XRN1: variants seen among roughly 807,000 people sequenced by gnomAD.
The protein encoded by XRN1 is 5'-3' exoribonuclease 1.
Under a neutral mutation model 222.3 loss-of-function variants are expected in XRN1, and 67 were observed. The ratio of observed to expected loss-of-function variants is 0.30; its 90% CI spans 0.25 to 0.37. The LOEUF (loss-of-function observed/expected upper bound fraction) is 0.37, where lower values mean the gene tolerates loss of function less well. Among genes scored for constraint, XRN1 ranks in the 10% least tolerant of loss-of-function variants. The pLI, the probability that XRN1 is intolerant of heterozygous loss-of-function variation, is 1.00. For missense variants in XRN1, 1,707 were observed against 2,000.2 expected, an observed-to-expected ratio of 0.85 and a Z score of 2.80; for synonymous variants, 643 against 652.4, an observed-to-expected ratio of 0.99 and a Z score of 0.22.
Position 142,330,963 on chromosome 3 carries a change from C to T in XRN1, c.4223-1348G>A, listed in dbSNP as rs1253761338. Among the ~76,000 whole-genome samples the T allele has an allele frequency of 2.6e-5, 4 of 152,228 alleles. No homozygotes were observed. In the East Asian group the frequency reaches 7.7e-4, roughly 29 times the overall value. On this transcript the variant is annotated intron_variant, in intron 36 of 40. Transcript: ENST00000392981. The stretch of plus-strand genomic sequence containing the variant: ...CTGGGATTACAGCTACTTGGTGGCG[C>T]CTGCCACCACACCCGGCTAATTTTT...
At chr3:142,316,601 C>T (rs778999506) in intron 39 of XRN1, among the ~76,000 whole-genome samples, 1 of 152,182 alleles carries the variant, frequency 6.6e-6, no homozygotes, top group Non-Finnish European at 1.5e-5. Flanking sequence ...CCAAGACTTC[C>T]CTCTGCCTGT....
chr3:142,414,483 G>T, intron 13 of XRN1, 192 bp from the exon 14 acceptor site: 2 of 379,250 alleles, frequency 5.3e-6, no homozygotes, highest in South Asian at 8.8e-5. Context: ...GGCAACAAAT[G>T]TTACATTTCC....
intron 2 of XRN1, among the ~76,000 whole-genome samples, chr3:142,427,122 G>A (rs2069289585): frequency 6.6e-6 from 1 of 152,068 alleles, no homozygotes; most frequent in Admixed American, 6.6e-5. Flanking sequence ...TTGAGTCTAG[G>A]AGTTCAAGAC....
chr3:142,352,899 T>C (rs1345164298), intron 32 of XRN1, among the ~76,000 whole-genome samples: 4 of 152,138 alleles, frequency 2.6e-5, no homozygotes, highest in Non-Finnish European at 5.9e-5. Flanking sequence ...CGGCCTTGGC[T>C]TCCCAAAGTG....
At chr3:142,429,287 C>T (rs1559876948) in intron 2 of XRN1, among the ~76,000 whole-genome samples, 2 of 151,540 alleles carry the variant, frequency 1.3e-5, no homozygotes, top group South Asian at 4.2e-4. Flanking sequence ...GCTGGGATTA[C>T]AGGCGACCAC....
chr3:142,378,065 T>C (rs2067193929), intron 23 of XRN1, among the ~76,000 whole-genome samples: 1 of 152,092 alleles, frequency 6.6e-6, no homozygotes, highest in East Asian at 1.9e-4. Flanking sequence ...ATTTTACTAT[T>C]AGTGGAAAAA....
chr3:142,361,963 C>CTTTTTTTTTTTTTTTTT (rs71153961), intron 29 of XRN1, among the ~76,000 whole-genome samples: 1 of 51,678 alleles, frequency 1.9e-5, no homozygotes, highest in Non-Finnish European at 3.3e-5. Context: ...CTTTTTCTCT[C>CTTTTTTTTTTTTTTTTT]TTTTTTTTTT....
Position 142,412,597 on chromosome 3 carries a change from T to C in XRN1, c.1660A>G (p.Asn554Asp). 1 of 1,608,548 alleles carries C rather than the reference T, an allele frequency of 6.2e-7. No individual in the cohort carries two copies. Among genetic ancestry groups the C allele is most frequent in the Non-Finnish European group, 8.5e-7 (1 of 1,176,270 alleles). Residue 554 changes from asparagine to aspartate, a missense_variant, in exon 15 of 41, where the codon AAT becomes GAT. By Grantham distance (23) the Asn-to-Asp change is conservative. Around this residue, in one of 2 missense-constraint regions of XRN1, gnomAD observed 1,234 missense variants for 1,518.2 expected, o/e 0.81. Transcript: ENST00000392981. ...YYPPDFKTDL[N>D]GKQQEWEAVV... is the part of the protein sequence containing the mutation. ...GCTTCCCATTCCTGTTGTTTCCCATTTAGGTCAGTTTTAAAATCAGGTGGG... is the reference window on the plus strand; with the variant it reads ...GCTTCCCATTCCTGTTGTTTCCCATCTAGGTCAGTTTTAAAATCAGGTGGG...
rs753128641 is a variant in XRN1 at position 142,415,711 on chromosome 3, GAAACCA to G, written c.1436+1423_1437-1421del. The stretch of plus-strand genomic sequence containing the variant: ...TTTTCAAAGGCTTTATGTAGTAAGT[GAAACCA>G]TAATTAATGTCACATTATTTTGCAC... On this transcript the variant is annotated intron_variant, in intron 13 of 40. Transcript: ENST00000392981. 1.3e-3 allele frequency among the ~76,000 whole-genome samples: 191 copies of G among 152,324 alleles called. 1 individual carries two copies. Among genetic ancestry groups the G allele is most frequent in the Non-Finnish European group, 2.4e-3 (166 of 68,026 alleles).
chr3:142,341,701 A>G (rs771555596), intron 33 of XRN1, among the ~76,000 whole-genome samples: 4 of 152,136 alleles, frequency 2.6e-5, no homozygotes, highest in Non-Finnish European at 4.4e-5. Context: ...ATAAAGACAC[A>G]TGCAGACAAA....
chr3:142,404,348 C>T (rs1229865184), intron 16 of XRN1, among the ~76,000 whole-genome samples: 1 of 152,038 alleles, frequency 6.6e-6, no homozygotes, highest in Non-Finnish European at 1.5e-5. Flanking sequence ...TTTCTCTTTC[C>T]TTTAACAAAA....
intron 33 of XRN1, among the ~76,000 whole-genome samples, chr3:142,340,939 G>C (rs2065975413): frequency 6.6e-6 from 1 of 152,038 alleles, no homozygotes; most frequent in South Asian, 2.1e-4. Context: ...ACTTTATTCA[G>C]AAAGCAAAAA....
Position 142,307,803 on chromosome 3 carries a change from A to T in XRN1, c.*3708T>A, listed in dbSNP as rs2064998920. ...GATGGTTTCACTGACAAAGCTTACA[A>T]AATGTATATACTGAGCACTGCCAGT... On this transcript the variant is annotated 3_prime_UTR_variant, in exon 41 of 41. Coordinates refer to ENST00000392981, the MANE Select transcript of XRN1 (RefSeq NM_001282857.2). 6.6e-6 allele frequency: 1 copy of T among 152,226 alleles called. No individual in the cohort carries two copies. The highest frequency in any genetic ancestry group is 2.1e-4 in the South Asian group (1 of 4,836). 9.4% of individuals were successfully genotyped at this position (152,226 alleles called of 1,614,324 possible).
At chr3:142,383,440 T>G in intron 21 of XRN1, 27 bp from the exon 22 acceptor site, 1 of 1,567,868 alleles carries the variant, frequency 6.4e-7, no homozygotes, top group Non-Finnish European at 8.7e-7. Context: ...TAAATAATCT[T>G]AGTCATAATT....
chr3:142,317,783 G>A (rs964693297), intron 39 of XRN1, among the ~76,000 whole-genome samples: 8 of 152,146 alleles, frequency 5.3e-5, no homozygotes, highest in African/African-American at 1.2e-4. Flanking sequence ...TGGGAACGGC[G>A]AGGGACAATC....
chr3:142,371,129 CAAAAAAA>C, intron 26 of XRN1, 103 bp downstream of exon 26: 3 of 645,524 alleles, frequency 4.6e-6, no homozygotes, highest in Non-Finnish European at 7.1e-6. Context: ...GAACCTGTCT[CAAAAAAA>C]AAAAAAAAAA....
At chr3:142,412,510 G>A in intron 15 of XRN1, 34 bp downstream of exon 15, 1 of 1,537,342 alleles carries the variant, frequency 6.5e-7, no homozygotes, top group Admixed American at 1.8e-5. Flanking sequence ...GATTAAGAAT[G>A]TATGTGTATG....
At chr3:142,384,070 A>C (rs923055290) in intron 21 of XRN1, among the ~76,000 whole-genome samples, 1 of 152,058 alleles carries the variant, frequency 6.6e-6, no homozygotes, top group African/African-American at 2.4e-5. Flanking sequence ...GGAGATTGAG[A>C]CCATCCTGGC....
chr3:142,413,597 G>A (rs540910475), intron 14 of XRN1, among the ~76,000 whole-genome samples: 3 of 152,314 alleles, frequency 2.0e-5, no homozygotes, highest in East Asian at 1.9e-4. Context: ...TAGGCTTAGC[G>A]TAATTTTGGT....
Sources: gnomAD v4.1 joint callset for allele counts (sites outside exome capture counted in the v4.1 genomes callset) on GRCh38, gnomAD v4.1.1 for gene constraint, gnomAD v4.1.1 regional missense constraint, MANE v1.5 for transcripts, NCBI Gene and HGNC (gene_info 2026-07-23, HGNC 2026-07-21) for gene names.